Variants in MFSD6 observed in about 807,000 individuals in gnomAD.
The protein encoded by MFSD6 is major facilitator superfamily domain-containing protein 6.
A neutral mutation model predicts 56.3 loss-of-function variants in MFSD6; 26 were observed. The ratio of observed to expected loss-of-function variants is 0.46; its 90% CI spans 0.34 to 0.64. The LOEUF is 0.64. Ranked by LOEUF, MFSD6 falls within the 30% of genes least tolerant of loss-of-function variation. The pLI, the probability that MFSD6 is intolerant of heterozygous loss-of-function variation, is 0.01. For missense variants in MFSD6, 750 were observed against 986.2 expected (o/e 0.76, Z 3.21); for synonymous variants, 331 against 366.9 (o/e 0.90, Z 1.12).
Position 190,424,235 on chromosome 2 carries a change from CTT to C in MFSD6, c.-54+8834_-54+8835del, listed in dbSNP as rs36117421. On this transcript the variant is annotated intron_variant, in intron 2 of 7. Transcript: ENST00000392328. This position sits in a 1 kb window ranked among gnomAD's most constrained non-coding sequence, Gnocchi z 5.9. The stretch of plus-strand genomic sequence containing the variant: ...ACTAGAGGCTAAAGATTTTCTTCTT[CTT>C]TTTTTTTTTTTCTAAATGTTTTATA... Among the ~76,000 whole-genome samples, 61 of 143,134 alleles carry C rather than the reference CTT, an allele frequency of 4.3e-4. No individual in the cohort carries two copies. The highest frequency in any genetic ancestry group is 1.1e-3 in the African/African-American group (44 of 39,430). The allele number at this position is 143,134 out of a possible 152,430, so 93.9% of individuals were successfully genotyped here. A position where few individuals can be genotyped will look rare whatever the true frequency, so the allele number is the denominator to read the frequency against.
chr2:190,414,764 A>T (rs1690707080), intron 1 of MFSD6, among the ~76,000 whole-genome samples: 1 of 152,202 alleles, frequency 6.6e-6, no homozygotes, highest in African/African-American at 2.4e-5. Context: ...TTTTTTAAAA[A>T]TCCAGCCAAG....
At chr2:190,468,287 C>G (rs902901304) in intron 3 of MFSD6, among the ~76,000 whole-genome samples, 1 of 152,152 alleles carries the variant, frequency 6.6e-6, no homozygotes, top group Non-Finnish European at 1.5e-5. Flanking sequence ...TGCTAAATCC[C>G]TCTAATATCT....
rs1192049552 is a variant in MFSD6, at chr2:190,412,381, G to A, written c.-175-2911G>A. On this transcript the variant is annotated intron_variant, in intron 1 of 7. Coordinates refer to ENST00000392328, the MANE Select transcript of MFSD6 (RefSeq NM_017694.4). The surrounding 1 kb of genome is among the most constrained non-coding windows in gnomAD (Gnocchi z 4.1). ...ACATTTCATTTTGGGTTCTAATTAT[G>A]TTTTAGGCAGAAGGAAATCTCCATC... 2 of 984,752 alleles carry A rather than the reference G, an allele frequency of 2.0e-6. No individual in the cohort carries two copies. Among genetic ancestry groups the A allele is most frequent in the African/African-American group, 3.5e-5 (2 of 57,336 alleles). 61.0% of individuals were successfully genotyped at this position (984,752 alleles called of 1,614,324 possible). A position where few individuals can be genotyped will look rare whatever the true frequency, so the allele number is the denominator to read the frequency against.
At chr2:190,474,990 GA>G (rs928813674) in intron 4 of MFSD6, among the ~76,000 whole-genome samples, 3 of 152,170 alleles carry the variant, frequency 2.0e-5, no homozygotes, top group African/African-American at 7.2e-5. Context: ...AATAGATGCA[GA>G]AAAGCCTTTG....
Position 190,434,318 on chromosome 2 carries a change from A to G in MFSD6, c.-53-1659A>G, listed in dbSNP as rs1686104641. On this transcript the variant is annotated intron_variant, in intron 2 of 7. Coordinates refer to ENST00000392328, the MANE Select transcript of MFSD6 (RefSeq NM_017694.4). The surrounding 1 kb of genome is among the most constrained non-coding windows in gnomAD (Gnocchi z 4.3). ...GCACACAAGACCTTTTGACACTTTA[A>G]TCATTCAATCTTTAATAGAAGAAAG... Among the ~76,000 whole-genome samples the G allele has an allele frequency of 6.6e-6, 1 of 152,234 alleles. No individual in the cohort carries two copies. The highest frequency in any genetic ancestry group is 2.1e-4 in the South Asian group (1 of 4,834).
At chr2:190,407,990 GTAGGGATGGAGCCTCGCC>G (rs1690370205), upstream of MFSD6, among the ~76,000 whole-genome samples, 2 of 152,210 alleles carry the variant, frequency 1.3e-5, no homozygotes, top group East Asian at 3.9e-4. The surrounding 1 kb of genome is among the most constrained non-coding windows in gnomAD (Gnocchi z 5.4). Context: ...GGAGGGTGCG[GTAGGGATGGAGCCTCGCC>G]CAGTGCTTTC....
chr2:190,447,809 T>G lies in MFSD6; in HGVS notation c.1532+10248T>G, dbSNP rs1287007991. Among the ~76,000 whole-genome samples the G allele has an allele frequency of 6.6e-6, 1 of 152,194 alleles. No individual in the cohort carries two copies. Among genetic ancestry groups the G allele is most frequent in the Non-Finnish European group, 1.5e-5 (1 of 68,028 alleles). ...CTATGGAGTCTCAAAAATTGAAGAA[T>G]TTATGATCAGGAATTGAAAGATAAT... On this transcript the variant is annotated intron_variant, in intron 3 of 7. Coordinates refer to ENST00000392328, the MANE Select transcript of MFSD6 (RefSeq NM_017694.4). This position sits in a 1 kb window ranked among gnomAD's most constrained non-coding sequence, Gnocchi z 4.5.
rs10084203 is a variant in MFSD6, at chr2:190,439,423, A to G, written c.1532+1862A>G. 0.72 allele frequency among the ~76,000 whole-genome samples: 109,452 copies of G among 151,942 alleles called. 40,029 individuals carry two copies. The highest frequency in any genetic ancestry group is 0.8 in the Admixed American group (12,155 of 15,280). ...TAGGGTACACGTGCACAACGTGCAG[A>G]TTTGTTGCATGTGTATAGATAGGTT... On this transcript the variant is annotated intron_variant, in intron 3 of 7. Coordinates refer to ENST00000392328, the MANE Select transcript of MFSD6 (RefSeq NM_017694.4). The surrounding 1 kb of genome is among the most constrained non-coding windows in gnomAD (Gnocchi z 5.8).
intron 4 of MFSD6, among the ~76,000 whole-genome samples, chr2:190,477,671 C>T (rs535318715): frequency 2.6e-5 from 4 of 152,142 alleles, no homozygotes; most frequent in Non-Finnish European, 5.9e-5. Context: ...AAAATATATA[C>T]ATATATTAAC....
At chr2:190,482,399 C>CTT (rs576422479) in intron 4 of MFSD6, among the ~76,000 whole-genome samples, 1 of 142,030 alleles carries the variant, frequency 7.0e-6, no homozygotes, top group East Asian at 2.0e-4. Context: ...GGAAGCTTTC[C>CTT]TTTTTTTTTT....
intron 2 of MFSD6, among the ~76,000 whole-genome samples, chr2:190,422,766 A>G (rs1256570596): frequency 6.6e-6 from 1 of 152,014 alleles, no homozygotes; most frequent in Non-Finnish European, 1.5e-5. Context: ...CATTTTCTTG[A>G]AATTTTAAAG....
intron 4 of MFSD6, among the ~76,000 whole-genome samples, chr2:190,482,993 G>A (rs967410485): frequency 5.6e-5 from 8 of 143,442 alleles, no homozygotes; most frequent in Non-Finnish European, 1.2e-4. Flanking sequence ...CCGGGTTCAC[G>A]CCATTCTCCT....
At position 190,463,506 on chromosome 2, in the gene MFSD6, C is replaced by T. The variant is rs1687436044; in HGVS notation, c.1533-6252C>T. Among the ~76,000 whole-genome samples, 1 of 152,052 alleles carries T rather than the reference C, an allele frequency of 6.6e-6. No homozygotes were observed. The highest frequency in any genetic ancestry group is 1.5e-5 in the Non-Finnish European group (1 of 68,034). ...CTGAAAAAAAAATTTTTTTTAGGGACAAGTTTATATAGACCATAAAAGGAT... is the reference window on the plus strand; with the variant it reads ...CTGAAAAAAAAATTTTTTTTAGGGATAAGTTTATATAGACCATAAAAGGAT... On this transcript the variant is annotated intron_variant, in intron 3 of 7. Coordinates refer to ENST00000392328, the MANE Select transcript of MFSD6 (RefSeq NM_017694.4). The surrounding 1 kb of genome is among the most constrained non-coding windows in gnomAD (Gnocchi z 4.4).
intron 2 of MFSD6, among the ~76,000 whole-genome samples, chr2:190,428,444 A>G (rs1360308124): frequency 6.6e-6 from 1 of 152,190 alleles, no homozygotes; most frequent in Non-Finnish European, 1.5e-5. Flanking sequence ...TAGTTGCTCC[A>G]CATCCTCATC....
In MFSD6 at chr2:190,490,229, G is replaced by A. The variant is rs1689255425; in HGVS notation, c.1891+363G>A. ...TTTTGCTACTAGGGATAGGGAGTGAGTGGTAATCTTCTCTATGACTTACCT... is the reference window on the plus strand; with the variant it reads ...TTTTGCTACTAGGGATAGGGAGTGAATGGTAATCTTCTCTATGACTTACCT... On this transcript the variant is annotated intron_variant, in intron 6 of 7. Transcript: ENST00000392328. The surrounding 1 kb of genome is among the most constrained non-coding windows in gnomAD (Gnocchi z 4.5). 6.6e-6 allele frequency among the ~76,000 whole-genome samples: 1 copy of A among 151,442 alleles called. No individual in the cohort carries two copies. Among genetic ancestry groups the A allele is most frequent in the Non-Finnish European group, 1.5e-5 (1 of 67,944 alleles).
At chr2:190,486,273 T>C (rs898398934) in intron 4 of MFSD6, among the ~76,000 whole-genome samples, 3 of 152,224 alleles carry the variant, frequency 2.0e-5, no homozygotes, top group African/African-American at 4.8e-5. Context: ...TTCTGGGTAT[T>C]GTTCTCTGAA....
In MFSD6 at chr2:190,467,018, A is replaced by G. The variant is rs541116973; in HGVS notation, c.1533-2740A>G. ...AGTTTTGGACTATGGCCTGGATTGA[A>G]TTACAGTTGTCATGGCAACCCTGAT... On this transcript the variant is annotated intron_variant, in intron 3 of 7. Transcript: ENST00000392328. This position sits in a 1 kb window ranked among gnomAD's most constrained non-coding sequence, Gnocchi z 5.5. Among the ~76,000 whole-genome samples the G allele has an allele frequency of 6.6e-6, 1 of 152,386 alleles. No homozygotes were observed. Among genetic ancestry groups the G allele is most frequent in the African/African-American group, 2.4e-5 (1 of 41,590 alleles).
At chr2:190,460,087 C>A (rs1378030274) in intron 3 of MFSD6, among the ~76,000 whole-genome samples, 1 of 152,170 alleles carries the variant, frequency 6.6e-6, no homozygotes, top group Non-Finnish European at 1.5e-5. Context: ...TCTTACTCTT[C>A]TGGTGAGATA....
At position 190,436,083 on chromosome 2, in the gene MFSD6, A is replaced by G. The variant is rs1686165346; in HGVS notation, c.54A>G (p.Arg18=). 1.9e-6 allele frequency: 3 copies of G among 1,614,128 alleles called. No homozygotes were observed. Among genetic ancestry groups the G allele is most frequent in the Non-Finnish European group, 2.5e-6 (3 of 1,179,988 alleles). The stretch of plus-strand genomic sequence containing the variant: ...CGGATGATGAAGAGGAACAGAAGAG[A>G]AAGTATGTGCTTGCAGATCCCTTTA... ...ILTDDEEEQK[R]KYVLADPFNG... is the part of the protein sequence containing the mutation. The change falls in exon 3 of 8, where the codon AGA becomes AGG. Residue 18 remains arginine (R), a synonymous_variant. Transcript: ENST00000392328. This position sits in a 1 kb window ranked among gnomAD's most constrained non-coding sequence, Gnocchi z 5.3.
Sources: gnomAD v4.1 joint callset for allele counts (sites outside exome capture counted in the v4.1 genomes callset) on GRCh38, gnomAD v4.1.1 for gene constraint, Gnocchi (gnomAD v3.1) non-coding constraint, MANE v1.5 for transcripts, NCBI Gene and HGNC (gene_info 2026-07-23, HGNC 2026-07-21) for gene names.